Variants in INPP5B observed in about 807,000 individuals in gnomAD.
INPP5B encodes type II inositol 1,4,5-trisphosphate 5-phosphatase.
A neutral mutation model predicts 118.5 loss-of-function variants in INPP5B; 90 were observed. The observed-to-expected ratio is 0.76, with a 90% CI of 0.64 to 0.90. The LOEUF is 0.90. INPP5B is among the 40% of genes least tolerant of loss of function. The probability of loss-of-function intolerance (pLI) is 0.00; values close to 1 mark genes in which losing one functional copy is unlikely to be tolerated. For missense variants in INPP5B, 984 were observed against 1,125.6 expected (o/e 0.87, Z 1.80); for synonymous variants, 385 against 418.9 (o/e 0.92, Z 0.99).
intron 17 of INPP5B, among the ~76,000 whole-genome samples, chr1:37,874,493 T>G (rs1642667089): frequency 1.3e-5 from 2 of 152,204 alleles, no homozygotes; most frequent in South Asian, 4.1e-4. Flanking sequence ...GCTGGACATC[T>G]AGGGCATTAA....
intron 20 of INPP5B, among the ~76,000 whole-genome samples, chr1:37,867,997 T>A (rs533948570): frequency 6.6e-5 from 10 of 152,146 alleles, no homozygotes; most frequent in Non-Finnish European, 1.5e-4. Context: ...ATGGGCTTCC[T>A]ATGCAACGCT....
At position 37,927,720 on chromosome 1, in the gene INPP5B, G is replaced by A. The variant is rs573996752; in HGVS notation, c.532+4193C>T. On this transcript the variant is annotated intron_variant, in intron 7 of 23. Coordinates refer to ENST00000373024, the MANE Select transcript of INPP5B (RefSeq NM_005540.3). ...CCCGGCTAATTTTTTTGTATTTTTA[G>A]TAGAGACGGGGTTTCACCATGTTAG... is the stretch of plus-strand genomic sequence containing the variant. Among the ~76,000 whole-genome samples, 7 of 151,844 alleles carry A rather than the reference G, an allele frequency of 4.6e-5. No homozygotes were observed. In the South Asian group the frequency reaches 1.5e-3, roughly 32 times the overall value.
At chr1:37,923,971 T>A (rs1645140368) in intron 7 of INPP5B, among the ~76,000 whole-genome samples, 1 of 151,966 alleles carries the variant, frequency 6.6e-6, no homozygotes, top group East Asian at 1.9e-4. Context: ...AAAGACAGGT[T>A]TTCACCATGT....
rs980 is a variant in INPP5B at position 37,862,320 on chromosome 1, G to A, written c.2737C>T (p.Leu913Phe). ...AAATAGGAGGAGAGAGAGGCTCAGAGTGGGTTGCAGAGGAACTGGTGAATA... is the reference window on the plus strand; with the variant it reads ...AAATAGGAGGAGAGAGAGGCTCAGAATGGGTTGCAGAGGAACTGGTGAATA... ...EFIHQFLCNPL is the reference protein window; with the variant it reads ...EFIHQFLCNPF Residue 913 changes from leucine to phenylalanine, a missense_variant, in exon 24 of 24, where the codon CTC becomes TTC. Around this residue, in one of 2 missense-constraint regions of INPP5B, gnomAD observed 634 missense variants for 791.0 expected, o/e 0.80. Coordinates refer to ENST00000373024, the MANE Select transcript of INPP5B (RefSeq NM_005540.3). 1.6e-5 allele frequency: 26 copies of A among 1,606,680 alleles called. No individual in the cohort carries two copies. The African/African-American group carries it at 2.9e-4, about 18-fold the overall frequency.
At chr1:37,939,744 GTTATT>G (rs1410401119) in intron 6 of INPP5B, among the ~76,000 whole-genome samples, 1 of 151,510 alleles carries the variant, frequency 6.6e-6, no homozygotes, top group African/African-American at 2.4e-5. Flanking sequence ...CGCCCGGCCT[GTTATT>G]TTATTTTTTA....
At chr1:37,937,778 TAAAATAAAATAAAATAAAAATA>T (rs1645751364) in intron 6 of INPP5B, among the ~76,000 whole-genome samples, 1 of 147,392 alleles carries the variant, frequency 6.8e-6, no homozygotes. Context: ...AAAAATAAAA[TAAAATAAAATAAAATAAAAATA>T]AAAATAAAAA....
At chr1:37,915,852 C>G (rs1042723047) in intron 7 of INPP5B, among the ~76,000 whole-genome samples, 1 of 152,176 alleles carries the variant, frequency 6.6e-6, no homozygotes, top group Non-Finnish European at 1.5e-5. Flanking sequence ...AGAAAGTTAT[C>G]TAACTTCTCT....
chr1:37,931,266 A>C (rs908154592), intron 7 of INPP5B: 2 of 422,628 alleles, frequency 4.7e-6, no homozygotes, highest in Non-Finnish European at 8.5e-6. Flanking sequence ...ACCATACCTC[A>C]CCCAAAGGAA....
At chr1:37,880,959 G>T (rs1298567860) in intron 14 of INPP5B, among the ~76,000 whole-genome samples, 1 of 152,204 alleles carries the variant, frequency 6.6e-6, no homozygotes, top group Non-Finnish European at 1.5e-5. Flanking sequence ...TTGGCCTCAA[G>T]TGATCCTGCC....
chr1:37,862,148 C>T lies in INPP5B; in HGVS notation c.*167G>A, dbSNP rs1252805515. 1.7e-6 allele frequency: 1 copy of T among 583,218 alleles called. No individual in the cohort carries two copies. The highest frequency in any genetic ancestry group is 3.1e-5 in the Admixed American group (1 of 31,808). 36.1% of individuals were successfully genotyped at this position (583,218 alleles called of 1,614,324 possible). On this transcript the variant is annotated 3_prime_UTR_variant, in exon 24 of 24. Transcript: ENST00000373024. Reference sequence around the variant, plus strand: ...TCCCGTGTCTTCACGACTCACAGCGCTGAGTGTGCTAACCAATGGTGGGCT... The same window carrying T: ...TCCCGTGTCTTCACGACTCACAGCGTTGAGTGTGCTAACCAATGGTGGGCT...
At chr1:37,903,816 G>C (rs1644413818) in intron 7 of INPP5B, among the ~76,000 whole-genome samples, 1 of 152,142 alleles carries the variant, frequency 6.6e-6, no homozygotes, top group East Asian at 1.9e-4. Context: ...CTTGAACCTG[G>C]GAGGCAGAGG....
chr1:37,890,770 A>G (rs889840770), intron 8 of INPP5B, among the ~76,000 whole-genome samples: 5 of 152,212 alleles, frequency 3.3e-5, no homozygotes, highest in Admixed American at 2.6e-4. Flanking sequence ...TAGATTGACC[A>G]CTTGATAATT....
At chr1:37,875,527 C>T in intron 17 of INPP5B, 79 bp downstream of exon 17, 2 of 1,111,426 alleles carry the variant, frequency 1.8e-6, no homozygotes, top group Non-Finnish European at 2.7e-6. Context: ...CTTGGCCTCC[C>T]AAAGTGCTGG....
chr1:37,919,749 G>A (rs962622064), intron 7 of INPP5B, among the ~76,000 whole-genome samples: 3 of 152,056 alleles, frequency 2.0e-5, no homozygotes, highest in African/African-American at 7.2e-5. Flanking sequence ...GACCAGCCTG[G>A]CCAAAATGGC....
At chr1:37,905,316 G>T (rs1644467747) in intron 7 of INPP5B, among the ~76,000 whole-genome samples, 1 of 152,160 alleles carries the variant, frequency 6.6e-6, no homozygotes, top group African/African-American at 2.4e-5. Context: ...CAGGAGAATT[G>T]CTTGAACCCT....
chr1:37,882,241 G>T (rs1643250100), intron 14 of INPP5B, among the ~76,000 whole-genome samples: 1 of 152,204 alleles, frequency 6.6e-6, no homozygotes. Context: ...GAAATCTACT[G>T]AAAGAAGTAG....
intron 7 of INPP5B, among the ~76,000 whole-genome samples, chr1:37,917,308 T>TTATATATA (rs368327131): frequency 0.01 from 966 of 92,736 alleles, 25 homozygotes; most frequent in African/African-American, 0.034. Flanking sequence ...AAAAAAATAA[T>TTATATATA]TATATATATA....
intron 7 of INPP5B, among the ~76,000 whole-genome samples, chr1:37,895,593 G>GGC (rs1644003536): frequency 1.3e-5 from 2 of 150,204 alleles, no homozygotes; most frequent in African/African-American, 4.9e-5. Context: ...CTGCCATCTC[G>GGC]GCTCACTGCA....
chr1:37,945,843 T>A lies in INPP5B; in HGVS notation c.65A>T (p.Gln22Leu), dbSNP rs373752147. Reference sequence around the variant, plus strand: ...GCTGTCCCCCTCACACAGCACACCTTGCACCGCCTGCGGCTCAGAGTCAAG... The same window carrying A: ...GCTGTCCCCCTCACACAGCACACCTAGCACCGCCTGCGGCTCAGAGTCAAG... ...AEGEYCVIAV[Q>L]GVLCEGDSRQ... Residue 22 changes from glutamine to leucine, a missense_variant, in exon 3 of 24, where the codon CAA becomes CTA. Gln to Leu is a moderately radical substitution (Grantham distance 113). Around this residue, in one of 2 missense-constraint regions of INPP5B, gnomAD observed 350 missense variants for 334.6 expected, o/e 1.05. Transcript: ENST00000373024. The A allele has an allele frequency of 3.1e-6, 5 of 1,613,776 alleles. No individual in the cohort carries two copies. The highest frequency in any genetic ancestry group is 4.2e-6 in the Non-Finnish European group (5 of 1,179,914).
Sources: allele counts gnomAD v4.1 joint callset (sites outside exome capture counted in the v4.1 genomes callset), GRCh38; gene constraint gnomAD v4.1.1; regional missense constraint gnomAD v4.1.1; transcripts MANE v1.5; gene names NCBI Gene and HGNC (gene_info 2026-07-23, HGNC 2026-07-21).